SLC15A5: variants seen among roughly 807,000 people sequenced by gnomAD.
SLC15A5 encodes the protein solute carrier family 15 member 5.
A neutral mutation model predicts 56.1 loss-of-function variants in SLC15A5; 58 were observed. The observed-to-expected ratio is 1.03, with a 90% confidence interval of 0.84 to 1.29. The LOEUF (loss-of-function observed/expected upper bound fraction) is 1.29. Ranked by LOEUF, SLC15A5 falls within the 50% of genes most tolerant of loss-of-function variation. The pLI, the probability that SLC15A5 is intolerant of heterozygous loss-of-function variation, is 0.00. For synonymous variants in SLC15A5, 264 were observed against 250.5 expected, an observed-to-expected ratio of 1.05 and a Z score of -0.51; for missense variants, 681 against 672.1, an observed-to-expected ratio of 1.01 and a Z score of -0.15.
At chr12:16,244,551 T>C in intron 4 of SLC15A5, 29 bp downstream of exon 4, 5 of 1,516,410 alleles carry the variant, frequency 3.3e-6, no homozygotes, top group Non-Finnish European at 4.4e-6. Flanking sequence ...TTTCCTGTTG[T>C]TGGGGTAGTA....
chr12:16,253,041 AG>A (rs34863568), intron 3 of SLC15A5, among the ~76,000 whole-genome samples: 46,256 of 151,900 alleles, frequency 0.3, 7,217 homozygotes, highest in East Asian at 0.39. Flanking sequence ...TAAGGGGGAA[AG>A]GACAGTCTCT....
chr12:16,247,761 AG>A (rs1466808579), intron 3 of SLC15A5, among the ~76,000 whole-genome samples: 1 of 152,120 alleles, frequency 6.6e-6, no homozygotes, highest in African/African-American at 2.4e-5. Context: ...GGAGGTTGTC[AG>A]GGGGGTCAGA....
chr12:16,264,758 G>C (rs2136816230), intron 2 of SLC15A5, among the ~76,000 whole-genome samples: 1 of 152,268 alleles, frequency 6.6e-6, no homozygotes, highest in Admixed American at 6.5e-5. Flanking sequence ...TTAAAAAGGG[G>C]AGTTTCTTTG....
Position 16,196,933 on chromosome 12 carries a change from G to T in SLC15A5, c.1484-2480C>A, listed in dbSNP as rs1286013754. Among the ~76,000 whole-genome samples the T allele has an allele frequency of 6.6e-6, 1 of 152,018 alleles. No homozygotes were observed. The highest frequency in any genetic ancestry group is 1.5e-5 in the Non-Finnish European group (1 of 67,992). On this transcript the variant is annotated intron_variant, in intron 7 of 8. Transcript: ENST00000344941. This position sits in a 1 kb window ranked among gnomAD's most constrained non-coding sequence, Gnocchi z 4.0. Reference sequence around the variant, plus strand: ...ACACCAGAGCACTCTCATCACTGGGGATGCTGTGGAAAACAGAAATGACAA... The same window carrying T: ...ACACCAGAGCACTCTCATCACTGGGTATGCTGTGGAAAACAGAAATGACAA...
chr12:16,195,595 C>T (rs3915245), intron 7 of SLC15A5, among the ~76,000 whole-genome samples: 73,141 of 151,726 alleles, frequency 0.48, 18,112 homozygotes, highest in South Asian at 0.72. Context: ...TTTATAGGAA[C>T]AACTCCTACA....
chr12:16,207,203 C>A (rs541373490), intron 7 of SLC15A5, among the ~76,000 whole-genome samples: 26 of 152,144 alleles, frequency 1.7e-4, no homozygotes, highest in Non-Finnish European at 3.1e-4. Flanking sequence ...TAGTAGGAAA[C>A]CAATATGTAT....
intron 1 of SLC15A5, among the ~76,000 whole-genome samples, chr12:16,274,704 G>T (rs1441801155): frequency 3.3e-5 from 5 of 152,036 alleles, no homozygotes; most frequent in Admixed American, 3.3e-4. Context: ...TGTGACGTGA[G>T]GCCTGGCTAG....
chr12:16,261,530 A>G (rs1450385456), intron 2 of SLC15A5, among the ~76,000 whole-genome samples: 1 of 152,216 alleles, frequency 6.6e-6, no homozygotes, highest in Non-Finnish European at 1.5e-5. Context: ...TAACGCTGTT[A>G]AGAACATTCA....
In SLC15A5 at chr12:16,224,590, A is replaced by C. The variant is rs1477125154; in HGVS notation, c.1175T>G (p.Leu392Arg). 6.5e-7 allele frequency: 1 copy of C among 1,529,774 alleles called. No individual in the cohort carries two copies. The highest frequency in any genetic ancestry group is 1.4e-5 in the African/African-American group (1 of 72,762). The allele number at this position is 1,529,774 out of a possible 1,614,324, so 94.8% of individuals were successfully genotyped here. A position where few individuals can be genotyped will look rare whatever the true frequency, so the allele number is the denominator to read the frequency against. Residue 392 changes from leucine to arginine, a missense_variant, in exon 6 of 9, where the codon CTT (leucine) becomes CGT (arginine). Leu to Arg is a moderately radical substitution (Grantham distance 102, BLOSUM62 -2). Coordinates refer to ENST00000344941, the MANE Select transcript of SLC15A5 (RefSeq NM_001170798.1). ...TATCATCACAGACAATGCAGCAAAA[A>C]GATTTCCAGCAACTGAAGGAAAATA... ...FLSTCIIAGN[L>R]FAALSVMIAG...
intron 7 of SLC15A5, among the ~76,000 whole-genome samples, chr12:16,195,587 T>C (rs1195752993): frequency 6.6e-6 from 1 of 152,052 alleles, no homozygotes; most frequent in African/African-American, 2.4e-5. Context: ...CTTGCCTTTT[T>C]ATAGGAACAA....
intron 4 of SLC15A5, among the ~76,000 whole-genome samples, chr12:16,241,986 C>G (rs1360905868): frequency 6.6e-6 from 1 of 152,124 alleles, no homozygotes; most frequent in Non-Finnish European, 1.5e-5. Context: ...ATTTTAAATA[C>G]TTTTATTTCA....
Position 16,237,573 on chromosome 12 carries a change from C to T in SLC15A5, c.1162+2108G>A, listed in dbSNP as rs1476137076. ...TTTCTAAATCCAGAAAAAAAGTACT[C>T]TTCTTTAGGAAGAGATGTGATTTCA... On this transcript the variant is annotated intron_variant, in intron 5 of 8. Coordinates refer to ENST00000344941, the MANE Select transcript of SLC15A5 (RefSeq NM_001170798.1). The surrounding 1 kb of genome is among the most constrained non-coding windows in gnomAD (Gnocchi z 4.1). Among the ~76,000 whole-genome samples, 1 of 152,182 alleles carries T rather than the reference C, an allele frequency of 6.6e-6. No homozygotes were observed. The highest frequency in any genetic ancestry group is 1.5e-5 in the Non-Finnish European group (1 of 68,014).
chr12:16,242,742 A>G (rs1292424487), intron 4 of SLC15A5, among the ~76,000 whole-genome samples: 8 of 152,256 alleles, frequency 5.3e-5, no homozygotes, highest in Non-Finnish European at 7.3e-5. Flanking sequence ...GGTCCAACTT[A>G]GTGGAAAGAA....
chr12:16,273,611 T>C (rs1159619414), intron 1 of SLC15A5, among the ~76,000 whole-genome samples: 1 of 152,058 alleles, frequency 6.6e-6, no homozygotes, highest in Non-Finnish European at 1.5e-5. Context: ...GTGGATAGAT[T>C]TTCTTATTCA....
chr12:16,218,314 T>C (rs371819446), intron 6 of SLC15A5, among the ~76,000 whole-genome samples: 5 of 152,318 alleles, frequency 3.3e-5, no homozygotes, highest in East Asian at 1.9e-4. Context: ...CCTCTTACTC[T>C]TTTGTGCTTT....
chr12:16,196,990 G>A lies in SLC15A5; in HGVS notation c.1484-2537C>T, dbSNP rs1454571207. Among the ~76,000 whole-genome samples, 7 of 151,962 alleles carry A rather than the reference G, an allele frequency of 4.6e-5. No individual in the cohort carries two copies. In the South Asian group the frequency reaches 1.0e-3, roughly 23 times the overall value. On this transcript the variant is annotated intron_variant, in intron 7 of 8. Transcript: ENST00000344941. The surrounding 1 kb of genome is among the most constrained non-coding windows in gnomAD (Gnocchi z 4.0). ...TGACTTGGTATTTGGGAGTTTGTGG[G>A]TGACAGGAGAGAAGGACATTTGTAC...
intron 8 of SLC15A5, 147 bp from the exon 9 acceptor site, chr12:16,189,962 C>G: frequency 3.5e-6 from 2 of 576,048 alleles, no homozygotes; most frequent in Non-Finnish European, 5.5e-6. Context: ...GCACTGCTCA[C>G]CAAAACAGCC....
In SLC15A5 at chr12:16,240,568, T is replaced by A. The variant is rs185920973; in HGVS notation, c.976-701A>T. Among the ~76,000 whole-genome samples the A allele has an allele frequency of 9.6e-3, 1,461 of 152,256 alleles. 22 individuals are homozygous for A. The highest frequency in any genetic ancestry group is 0.034 in the African/African-American group (1,395 of 41,542). On this transcript the variant is annotated intron_variant, in intron 4 of 8. Coordinates refer to ENST00000344941, the MANE Select transcript of SLC15A5 (RefSeq NM_001170798.1). ...TGATAAAGTGAAAGATACAATTTTTTTAAAAAAAAACCCTGTGCTCCACCC... is the reference window on the plus strand; with the variant it reads ...TGATAAAGTGAAAGATACAATTTTTATAAAAAAAAACCCTGTGCTCCACCC...
intron 1 of SLC15A5, among the ~76,000 whole-genome samples, chr12:16,276,361 G>A (rs935845649): frequency 6.6e-6 from 1 of 151,904 alleles, no homozygotes; most frequent in African/African-American, 2.4e-5. Context: ...TCTCATTATT[G>A]GTGAACAGCA....
Sources: gnomAD v4.1 joint callset for allele counts (sites outside exome capture counted in the v4.1 genomes callset) on GRCh38, gnomAD v4.1.1 for gene constraint, Gnocchi (gnomAD v3.1) non-coding constraint, MANE v1.5 for transcripts, NCBI Gene and HGNC (gene_info 2026-07-23, HGNC 2026-07-21) for gene names.